Variants in SNTG1 observed in about 807,000 individuals in gnomAD.
SNTG1 encodes the protein syntrophin gamma 1.
A neutral mutation model predicts 74.7 loss-of-function variants in SNTG1; 39 were observed. The ratio of observed to expected loss-of-function variants is 0.52; its 90% CI spans 0.40 to 0.68. SNTG1 has a LOEUF of 0.68. SNTG1 is among the 30% of genes least tolerant of loss of function. SNTG1 has a pLI of 0.00. For missense variants in SNTG1, 685 were observed against 609.5 expected (o/e 1.12, Z -1.30); for synonymous variants, 254 against 217.1 (o/e 1.17, Z -1.49).
At chr8:50,598,818 A>C (rs2094751084) in intron 13 of SNTG1, among the ~76,000 whole-genome samples, 1 of 151,808 alleles carries the variant, frequency 6.6e-6, no homozygotes, top group African/African-American at 2.4e-5. Context: ...ATTCTTAAGT[A>C]TTTCTCTGTG....
chr8:50,737,122 GA>G (rs1272022990), intron 17 of SNTG1, among the ~76,000 whole-genome samples: 1 of 152,068 alleles, frequency 6.6e-6, no homozygotes, highest in East Asian at 1.9e-4. Context: ...ATGAATCCAG[GA>G]GCTGGTTTTT....
At chr8:50,381,242 T>A (rs368241896) in intron 2 of SNTG1, among the ~76,000 whole-genome samples, 16 of 152,220 alleles carry the variant, frequency 1.1e-4, no homozygotes, top group African/African-American at 3.9e-4. Context: ...GAAAAACTTA[T>A]GCTAGATAAT....
chr8:50,603,999 A>G (rs1456917901), intron 13 of SNTG1, among the ~76,000 whole-genome samples: 1 of 152,184 alleles, frequency 6.6e-6, no homozygotes, highest in South Asian at 2.1e-4. Context: ...TCAAAGCCCT[A>G]GGGCTCTACA....
intron 2 of SNTG1, among the ~76,000 whole-genome samples, chr8:50,369,400 G>C (rs1419401167): frequency 1.3e-5 from 2 of 151,990 alleles, no homozygotes; most frequent in Non-Finnish European, 2.9e-5. Flanking sequence ...AGTTCGAGAC[G>C]AGCCTGACCA....
At chr8:50,182,472 A>C (rs2083239884) in intron 2 of SNTG1, among the ~76,000 whole-genome samples, 1 of 152,300 alleles carries the variant, frequency 6.6e-6, no homozygotes, top group South Asian at 2.1e-4. Context: ...GTAATTAGTA[A>C]GCTGAAAGAG....
At chr8:50,319,964 T>G (rs1289634323) in intron 2 of SNTG1, among the ~76,000 whole-genome samples, 2 of 152,244 alleles carry the variant, frequency 1.3e-5, no homozygotes, top group Non-Finnish European at 2.9e-5. Context: ...AATATTGGCC[T>G]GAAGTTTTCT....
At chr8:50,474,091 TA>T (rs1349019966) in intron 8 of SNTG1, among the ~76,000 whole-genome samples, 1 of 152,004 alleles carries the variant, frequency 6.6e-6, no homozygotes, top group East Asian at 1.9e-4. Context: ...TGAATATACT[TA>T]AAACTGCTGC....
At chr8:50,226,847 G>C (rs1046504795) in intron 2 of SNTG1, among the ~76,000 whole-genome samples, 2 of 151,968 alleles carry the variant, frequency 1.3e-5, no homozygotes, top group Non-Finnish European at 2.9e-5. Context: ...CTCTTATTTG[G>C]CTCAAAATAA....
intron 17 of SNTG1, among the ~76,000 whole-genome samples, chr8:50,721,509 T>C (rs1563780415): frequency 1.3e-5 from 2 of 152,212 alleles, no homozygotes; most frequent in Non-Finnish European, 1.5e-5. Context: ...TAAATTGCTT[T>C]CCTGGGTTTA....
intron 9 of SNTG1, among the ~76,000 whole-genome samples, chr8:50,511,322 T>C (rs1038148575): frequency 2.6e-5 from 4 of 152,048 alleles, no homozygotes; most frequent in African/African-American, 9.7e-5. Context: ...TGCTGAGGAG[T>C]GCTTTACTTC....
intron 9 of SNTG1, among the ~76,000 whole-genome samples, chr8:50,520,828 T>G (rs2094173464): frequency 6.6e-6 from 1 of 152,072 alleles, no homozygotes; most frequent in Non-Finnish European, 1.5e-5. Flanking sequence ...TTGGTGGGAG[T>G]GTAAATTAGT....
At chr8:50,733,097 T>C (rs960558273) in intron 17 of SNTG1, among the ~76,000 whole-genome samples, 1 of 151,910 alleles carries the variant, frequency 6.6e-6, no homozygotes, top group African/African-American at 2.4e-5. Flanking sequence ...CCTACCCCTC[T>C]AGTGTTCTTC....
intron 1 of SNTG1, among the ~76,000 whole-genome samples, chr8:50,092,310 A>C (rs565250351): frequency 4.3e-4 from 66 of 152,292 alleles, no homozygotes; most frequent in African/African-American, 1.4e-3. Context: ...TAAATACATC[A>C]GATTTGGGAG....
intron 11 of SNTG1, 105 bp downstream of exon 11, chr8:50,536,913 T>C (rs1375801201): frequency 3.7e-6 from 5 of 1,354,010 alleles, no homozygotes; most frequent in Non-Finnish European, 5.0e-6. Flanking sequence ...TAGTATGTTT[T>C]TGATAGTAGA....
intron 4 of SNTG1, among the ~76,000 whole-genome samples, chr8:50,413,594 C>T (rs987154254): frequency 3.3e-5 from 5 of 152,094 alleles, no homozygotes; most frequent in East Asian, 1.9e-4. Flanking sequence ...GTCACAAGAC[C>T]GGAATATGAA....
chr8:50,770,082 G>A, intron 18 of SNTG1, among the ~76,000 whole-genome samples: 1 of 152,020 alleles, frequency 6.6e-6, no homozygotes, highest in African/African-American at 2.4e-5. Context: ...AAAACAATAG[G>A]TTGGATTCTG....
At chr8:50,736,578 A>G (rs2095529409) in intron 17 of SNTG1, among the ~76,000 whole-genome samples, 1 of 152,080 alleles carries the variant, frequency 6.6e-6, no homozygotes, top group South Asian at 2.1e-4. Flanking sequence ...AAGTGGACCT[A>G]ATAGACATCA....
In SNTG1 at chr8:50,124,468, G is replaced by A. The variant is rs192993852; in HGVS notation, c.-102-48093G>A. On this transcript the variant is annotated intron_variant, in intron 1 of 18. Coordinates refer to ENST00000642720, the MANE Select transcript of SNTG1 (RefSeq NM_018967.5). ...TTGTTCAGAAATTTTTTAATAGACT[G>A]TGTAAAATAGTATTTGTCTGATACT... Among the ~76,000 whole-genome samples the A allele has an allele frequency of 9.7e-4, 138 of 142,436 alleles. 14 individuals carry two copies. The highest frequency in any genetic ancestry group is 7.6e-3 in the Middle Eastern group (2 of 262). The allele number at this position is 142,436 out of a possible 152,430, so 93.4% of individuals were successfully genotyped here. A position where few individuals can be genotyped will look rare whatever the true frequency, so the allele number is the denominator to read the frequency against.
At chr8:49,927,276 T>C (rs1432958275) in intron 1 of SNTG1, among the ~76,000 whole-genome samples, 1 of 152,164 alleles carries the variant, frequency 6.6e-6, no homozygotes, top group Admixed American at 6.5e-5. Flanking sequence ...ATTTGAAAAC[T>C]TACGTCCAGC....
Sources: allele counts gnomAD v4.1 joint callset (sites outside exome capture counted in the v4.1 genomes callset), GRCh38; gene constraint gnomAD v4.1.1; transcripts MANE v1.5; gene names NCBI Gene and HGNC (gene_info 2026-07-23, HGNC 2026-07-21).